PIWIL4: variants seen among roughly 807,000 people sequenced by gnomAD.
The protein encoded by PIWIL4 is piwi like RNA-mediated gene silencing 4.
PIWIL4 carries 50 observed loss-of-function variants against 100.9 expected under a neutral mutation model. That is an observed-to-expected ratio of 0.50 (90% CI 0.39 to 0.63). The LOEUF (loss-of-function observed/expected upper bound fraction) is 0.63, where lower values mean the gene tolerates loss of function less well. Among genes scored for constraint, PIWIL4 ranks in the 20% least tolerant of loss-of-function variants. PIWIL4 has a pLI of 0.00. For missense variants in PIWIL4, 887 were observed against 1,043.3 expected (o/e 0.85, Z 2.06); for synonymous variants, 342 against 367.5 (o/e 0.93, Z 0.79).
rs1003633340 is a variant in PIWIL4 at position 94,575,032 on chromosome 11, G to T, written c.200G>T (p.Ser67Ile). The T allele has an allele frequency of 6.2e-7, 1 of 1,613,138 alleles. No homozygotes were observed. The highest frequency in any genetic ancestry group is 2.2e-5 in the East Asian group (1 of 44,828). The stretch of plus-strand genomic sequence containing the variant: ...GGGATATCTTCTGGTGATGCTGGAA[G>T]TACCTTCATGGAAAGAGGTGTGAAA... ...KYGISSGDAG[S>I]TFMERGVKNK... Residue 67 changes from serine (S) to isoleucine (I), a missense_variant, in exon 3 of 20, where the codon AGT becomes ATT. Transcript: ENST00000299001.
Position 94,594,878 on chromosome 11 carries a change from G to A in PIWIL4, c.1151-431G>A, listed in dbSNP as rs145752102. Reference sequence around the variant, plus strand: ...GGTGTTCTGATATTGTAGGTCTGCAGGACCCAATACAGTAGCCAGTAGCAC... The same window carrying A: ...GGTGTTCTGATATTGTAGGTCTGCAAGACCCAATACAGTAGCCAGTAGCAC... On this transcript the variant is annotated intron_variant, in intron 9 of 19. Coordinates refer to ENST00000299001, the MANE Select transcript of PIWIL4 (RefSeq NM_152431.3). 7.0e-3 allele frequency among the ~76,000 whole-genome samples: 1,061 copies of A among 152,240 alleles called. 17 individuals carry two copies. Among genetic ancestry groups the A allele is most frequent in the African/African-American group, 0.024 (993 of 41,548 alleles).
intron 2 of PIWIL4, 72 bp from the exon 3 acceptor site, chr11:94,574,927 T>C (rs76011048): frequency 2.3e-5 from 34 of 1,467,178 alleles, no homozygotes; most frequent in Non-Finnish European, 3.2e-5. Context: ...CAATGCATTT[T>C]TGACATAGTA....
At chr11:94,580,076 C>T (rs1948291998) in intron 4 of PIWIL4, among the ~76,000 whole-genome samples, 1 of 152,164 alleles carries the variant, frequency 6.6e-6, no homozygotes. Flanking sequence ...GTGTCAAACA[C>T]CTTTCTGTTG....
rs1018178650 is a variant in PIWIL4, at chr11:94,608,603, C to T, written c.1860C>T (p.Val620=). The T allele has an allele frequency of 3.7e-6, 6 of 1,613,634 alleles. No homozygotes were observed. The highest frequency in any genetic ancestry group is 2.2e-5 in the East Asian group (1 of 44,856). ...VEIPLKSLMV[V]GIDVCKDALS... ...TATAGTTAAAGTCCCTGATGGTGGT[C>T]GGTATTGATGTCTGTAAAGATGCAC... The change falls in exon 15 of 20, where the codon GTC becomes GTT. Residue 620 remains valine, a synonymous_variant. Transcript: ENST00000299001.
chr11:94,576,373 A>C (rs1190117397), intron 3 of PIWIL4, among the ~76,000 whole-genome samples: 2 of 152,172 alleles, frequency 1.3e-5, no homozygotes, highest in Non-Finnish European at 2.9e-5. Flanking sequence ...GCCTCAAGCA[A>C]TCCACCCGCC....
At chr11:94,568,539 A>G (rs1948106515) in intron 1 of PIWIL4, among the ~76,000 whole-genome samples, 191 bp from the exon 2 acceptor site, 1 of 152,198 alleles carries the variant, frequency 6.6e-6, no homozygotes, top group Non-Finnish European at 1.5e-5. Context: ...ATGAGTGAGG[A>G]AAACTATAGC....
chr11:94,587,765 CA>C (rs1267010075), intron 7 of PIWIL4, among the ~76,000 whole-genome samples: 4 of 152,212 alleles, frequency 2.6e-5, no homozygotes, highest in African/African-American at 9.6e-5. Context: ...TTCCATGTCT[CA>C]CCTTCTTTAT....
chr11:94,574,325 G>A (rs1948205989), intron 2 of PIWIL4, among the ~76,000 whole-genome samples: 1 of 152,116 alleles, frequency 6.6e-6, no homozygotes, highest in Non-Finnish European at 1.5e-5. Context: ...TTCTTTCTGG[G>A]CAGAAGTTGC....
At chr11:94,573,916 T>TC (rs1948197956) in intron 2 of PIWIL4, among the ~76,000 whole-genome samples, 1 of 151,902 alleles carries the variant, frequency 6.6e-6, no homozygotes, top group African/African-American at 2.4e-5. Flanking sequence ...TAACTCCCAT[T>TC]CCCCCCTCCC....
rs147013489 is a variant in PIWIL4, at chr11:94,572,113, T to G, written c.167-2886T>G. Among the ~76,000 whole-genome samples, 738 of 152,374 alleles carry G rather than the reference T, an allele frequency of 4.8e-3. 2 individuals carry two copies. Among genetic ancestry groups the G allele is most frequent in the African/African-American group, 0.017 (694 of 41,590 alleles). On this transcript the variant is annotated intron_variant, in intron 2 of 19. Coordinates refer to ENST00000299001, the MANE Select transcript of PIWIL4 (RefSeq NM_152431.3). Reference sequence around the variant, plus strand: ...TTTGAGAAGTCTCTGTTCATATCCTTGGCCCACTTTTTGATGGGGTTGTTT... The same window carrying G: ...TTTGAGAAGTCTCTGTTCATATCCTGGGCCCACTTTTTGATGGGGTTGTTT...
At chr11:94,593,993 C>T (rs962226945) in intron 9 of PIWIL4, among the ~76,000 whole-genome samples, 1 of 152,026 alleles carries the variant, frequency 6.6e-6, no homozygotes, top group African/African-American at 2.4e-5. Flanking sequence ...TTTCTTTTTG[C>T]GTGAATTTTC....
Position 94,619,780 on chromosome 11 carries a change from T to G in PIWIL4, c.2189T>G (p.Val730Gly), listed in dbSNP as rs778739442. ...SNTSSRLSVIVVRKKCMPRFF... is the reference protein window; with the variant it reads ...SNTSSRLSVIGVRKKCMPRFF... The stretch of plus-strand genomic sequence containing the variant: ...TTTAGCTCAAGACTGTCGGTGATTG[T>G]GGTCAGGAAGAAGTGCATGCCACGA... The change falls in exon 18 of 20, where the codon GTG (valine) becomes GGG (glycine). Residue 730 changes from valine to glycine, a missense_variant. Val to Gly is a moderately radical substitution (Grantham distance 109). Coordinates refer to ENST00000299001, the MANE Select transcript of PIWIL4 (RefSeq NM_152431.3). The G allele has an allele frequency of 6.2e-7, 1 of 1,614,084 alleles. No homozygotes were observed. Among genetic ancestry groups the G allele is most frequent in the Non-Finnish European group, 8.5e-7 (1 of 1,179,982 alleles).
At chr11:94,614,513 TG>T (rs1361870400) in intron 15 of PIWIL4, among the ~76,000 whole-genome samples, 14 of 152,082 alleles carry the variant, frequency 9.2e-5, no homozygotes, top group South Asian at 4.1e-4. Context: ...TTCACCATGT[TG>T]GGCAGGCTGG....
At chr11:94,617,832 A>T in intron 16 of PIWIL4, 122 bp from the exon 17 acceptor site, 1 of 991,908 alleles carries the variant, frequency 1.0e-6, no homozygotes, top group Non-Finnish European at 1.5e-6. Flanking sequence ...CAAATTATGT[A>T]TTGCCCTATT....
chr11:94,605,549 A>C (rs552696646), intron 13 of PIWIL4, among the ~76,000 whole-genome samples: 5 of 152,302 alleles, frequency 3.3e-5, no homozygotes, highest in East Asian at 1.9e-4. Context: ...GCATGTGTAC[A>C]TATGTAGATA....
At chr11:94,592,428 C>T (rs891446024) in intron 8 of PIWIL4, among the ~76,000 whole-genome samples, 4 of 152,122 alleles carry the variant, frequency 2.6e-5, no homozygotes, top group Non-Finnish European at 5.9e-5. Flanking sequence ...TATCCACTGC[C>T]GTTCCTGGAA....
rs935437336 is a variant in PIWIL4, at chr11:94,621,070, C to T, written c.*78C>T. On this transcript the variant is annotated 3_prime_UTR_variant, in exon 20 of 20. Transcript: ENST00000299001. ...ACTTTGTGCAAATCTGCCATAAGCT[C>T]AAGGCTGTGACTGGGGAAAAAGATT... 27 of 1,014,918 alleles carry T rather than the reference C, an allele frequency of 2.7e-5. No individual in the cohort carries two copies. Among genetic ancestry groups the T allele is most frequent in the East Asian group, 7.5e-5 (3 of 40,040 alleles). The allele number at this position is 1,014,918 out of a possible 1,614,324, so 62.9% of individuals were successfully genotyped here.
At chr11:94,591,245 G>A (rs7110811) in intron 8 of PIWIL4, among the ~76,000 whole-genome samples, 40,577 of 151,942 alleles carry the variant, frequency 0.27, 5,634 homozygotes, top group East Asian at 0.42. Flanking sequence ...CCACTCACTG[G>A]CCTACACCTT....
Position 94,583,545 on chromosome 11 carries a change from A to G in PIWIL4, c.611A>G (p.Gln204Arg). The change falls in exon 5 of 20, where the codon CAG (glutamine) becomes CGG (arginine). Residue 204 changes from glutamine to arginine, a missense_variant. Around this residue, in one of 2 missense-constraint regions of PIWIL4, gnomAD observed 741 missense variants for 930.0 expected, o/e 0.80. Transcript: ENST00000299001. ...ELPSSSPVCIQVFNIIFRKIL... is the reference protein window; with the variant it reads ...ELPSSSPVCIRVFNIIFRKIL... ...CCATCAAGTTCTCCCGTGTGCATCC[A>G]GGTCTTCAATATCATCTTCAGAAAG... The G allele has an allele frequency of 2.5e-6, 4 of 1,614,066 alleles. No individual in the cohort carries two copies. The highest frequency in any genetic ancestry group is 3.4e-6 in the Non-Finnish European group (4 of 1,179,934).
Sources: allele counts gnomAD v4.1 joint callset (sites outside exome capture counted in the v4.1 genomes callset), GRCh38; gene constraint gnomAD v4.1.1; regional missense constraint gnomAD v4.1.1; transcripts MANE v1.5; gene names NCBI Gene and HGNC (gene_info 2026-07-23, HGNC 2026-07-21).